The following GMDS variants were observed in gnomAD, a reference collection of about 807,000 sequenced individuals.
GMDS encodes GDP-mannose 4,6-dehydratase.
Under a neutral mutation model 49.9 loss-of-function variants are expected in GMDS, and 20 were observed. The observed-to-expected ratio is 0.40, with a 90% CI of 0.28 to 0.58. The LOEUF (loss-of-function observed/expected upper bound fraction) is 0.58, where lower values mean the gene tolerates loss of function less well. Ranked by LOEUF, GMDS falls within the 20% of genes least tolerant of loss-of-function variation. The pLI is 0.42. For missense variants in GMDS, 362 were observed against 481.4 expected, an observed-to-expected ratio of 0.75 and a Z score of 2.32; for synonymous variants, 177 against 178.6, an observed-to-expected ratio of 0.99 and a Z score of 0.07.
At chr6:2,041,328 T>C (rs1456179150) in intron 4 of GMDS, among the ~76,000 whole-genome samples, 1 of 152,202 alleles carries the variant, frequency 6.6e-6, no homozygotes, top group Admixed American at 6.5e-5. Flanking sequence ...ATGAAAAAAC[T>C]GAAATGCAAG....
intron 4 of GMDS, among the ~76,000 whole-genome samples, chr6:2,082,450 T>C (rs939612399): frequency 6.6e-6 from 1 of 152,162 alleles, no homozygotes; most frequent in African/African-American, 2.4e-5. Flanking sequence ...ATCTGGCAGG[T>C]CCCCTCATAA....
intron 7 of GMDS, among the ~76,000 whole-genome samples, chr6:1,853,517 C>CAAAAAAAA (rs34773610): frequency 1.4e-5 from 1 of 70,376 alleles, no homozygotes; most frequent in African/African-American, 6.3e-5. Context: ...GACTCCGTCT[C>CAAAAAAAA]AAAAAAAAAA....
intron 6 of GMDS, among the ~76,000 whole-genome samples, chr6:1,932,859 T>C (rs768115971): frequency 6.6e-6 from 1 of 152,210 alleles, no homozygotes; most frequent in Non-Finnish European, 1.5e-5. Context: ...TTAACTATTA[T>C]TTAGAACAGC....
intron 4 of GMDS, among the ~76,000 whole-genome samples, chr6:1,963,034 G>C (rs1300744653): frequency 6.6e-6 from 1 of 151,294 alleles, no homozygotes; most frequent in African/African-American, 2.4e-5. Context: ...GCACCACCAC[G>C]CCCAGCTAAT....
intron 6 of GMDS, among the ~76,000 whole-genome samples, chr6:1,939,001 T>C (rs1010904347): frequency 4.9e-4 from 59 of 119,324 alleles, no homozygotes; most frequent in African/African-American, 1.7e-3. Context: ...TCTCCTCTCC[T>C]CTTCTCTTCT....
intron 9 of GMDS, among the ~76,000 whole-genome samples, chr6:1,644,315 C>T (rs750153880): frequency 5.9e-5 from 9 of 152,184 alleles, no homozygotes; most frequent in Non-Finnish European, 1.2e-4. Context: ...CAGATTGCCA[C>T]CTGGAAGCCC....
chr6:2,121,322 A>C (rs1775126785), intron 2 of GMDS, among the ~76,000 whole-genome samples: 1 of 152,236 alleles, frequency 6.6e-6, no homozygotes, highest in South Asian at 2.1e-4. Flanking sequence ...AAGAATTCTT[A>C]GGTTTCCTCA....
At chr6:1,927,421 T>C (rs1044336607) in intron 7 of GMDS, among the ~76,000 whole-genome samples, 5 of 152,256 alleles carry the variant, frequency 3.3e-5, no homozygotes, top group African/African-American at 1.2e-4. Context: ...TGCTGTGTTT[T>C]TACTCAGAGG....
intron 7 of GMDS, among the ~76,000 whole-genome samples, chr6:1,917,545 T>A (rs1439358745): frequency 6.6e-6 from 1 of 152,154 alleles, no homozygotes; most frequent in Non-Finnish European, 1.5e-5. Context: ...TAGTGATAGA[T>A]CTTTATATTT....
chr6:1,681,833 C>T (rs1764802660), intron 9 of GMDS, among the ~76,000 whole-genome samples: 1 of 152,204 alleles, frequency 6.6e-6, no homozygotes, highest in Non-Finnish European at 1.5e-5. Flanking sequence ...GTAGATGGGA[C>T]TATAGGCACG....
chr6:1,934,784 G>T (rs570718300), intron 6 of GMDS, among the ~76,000 whole-genome samples: 30 of 151,848 alleles, frequency 2.0e-4, no homozygotes, highest in African/African-American at 6.5e-4. Context: ...TTTACTCCAT[G>T]TTACAGAAGA....
intron 9 of GMDS, chr6:1,717,731 T>C (rs1036109779): frequency 6.6e-6 from 1 of 152,232 alleles, no homozygotes; most frequent in Non-Finnish European, 1.5e-5. Context: ...TGTCTTTTGA[T>C]AACTAATAAT....
chr6:1,807,896 C>T (rs1010094548), intron 7 of GMDS, among the ~76,000 whole-genome samples: 1 of 152,080 alleles, frequency 6.6e-6, no homozygotes. Flanking sequence ...ATAAACTGGA[C>T]TTCATGACAG....
chr6:2,199,747 C>A (rs965049234), intron 1 of GMDS, among the ~76,000 whole-genome samples: 18 of 152,180 alleles, frequency 1.2e-4, no homozygotes, highest in African/African-American at 4.1e-4. Flanking sequence ...TTAGTATCTT[C>A]CTTTATTTCA....
chr6:1,999,479 T>C (rs1162950891), intron 4 of GMDS, among the ~76,000 whole-genome samples: 1 of 151,962 alleles, frequency 6.6e-6, no homozygotes, highest in Non-Finnish European at 1.5e-5. Context: ...GCTTAAAAGT[T>C]TGCACAAGAT....
intron 9 of GMDS, among the ~76,000 whole-genome samples, chr6:1,636,003 C>T (rs1052563722): frequency 2.6e-5 from 4 of 152,252 alleles, no homozygotes; most frequent in Admixed American, 2.0e-4. Flanking sequence ...CCGTGGCAGC[C>T]CTCCTCATCA....
intron 4 of GMDS, among the ~76,000 whole-genome samples, chr6:2,000,988 G>C (rs1215232371): frequency 6.6e-6 from 1 of 152,170 alleles, no homozygotes; most frequent in African/African-American, 2.4e-5. Context: ...GTGGACCTAT[G>C]CTTTCATTTC....
At chr6:1,802,985 T>A (rs1444377949) in intron 7 of GMDS, among the ~76,000 whole-genome samples, 2 of 152,318 alleles carry the variant, frequency 1.3e-5, no homozygotes, top group East Asian at 3.9e-4. Flanking sequence ...AGCCACAATA[T>A]TTAATAGCTG....
At chr6:1,705,941 G>A (rs1233791472) in intron 9 of GMDS, among the ~76,000 whole-genome samples, 1 of 152,206 alleles carries the variant, frequency 6.6e-6, no homozygotes, top group Non-Finnish European at 1.5e-5. Flanking sequence ...GCCCTTGCAA[G>A]AACAGGTGCA....
Sources: allele counts gnomAD v4.1 joint callset (sites outside exome capture counted in the v4.1 genomes callset), GRCh38; gene constraint gnomAD v4.1.1; transcripts MANE v1.5; gene names NCBI Gene and HGNC (gene_info 2026-07-23, HGNC 2026-07-21).